TCF4: variants seen among roughly 807,000 people sequenced by gnomAD.
TCF4 encodes transcription factor 4.
TCF4 carries 3 observed loss-of-function variants against 82.1 expected under a neutral mutation model. The ratio of observed to expected loss-of-function variants is 0.04; its 90% CI spans 0.02 to 0.09. The LOEUF is 0.09. TCF4 is among the 10% of genes least tolerant of loss of function. The pLI, the probability that TCF4 is intolerant of heterozygous loss-of-function variation, is 1.00. For missense variants in TCF4, 518 were observed against 852.7 expected (o/e 0.61, Z 4.89); for synonymous variants, 276 against 309.6 (o/e 0.89, Z 1.14).
Position 55,633,199 on chromosome 18 carries a change from G to A in TCF4, c.196-1811C>T, listed in dbSNP as rs1159041597. Among the ~76,000 whole-genome samples, 1 of 152,224 alleles carries A rather than the reference G, an allele frequency of 6.6e-6. No individual in the cohort carries two copies. The highest frequency in any genetic ancestry group is 1.5e-5 in the Non-Finnish European group (1 of 68,040). On this transcript the variant is annotated intron_variant, in intron 1 of 20. Coordinates refer to the TCF4 transcript ENST00000398339. This position sits in a 1 kb window ranked among gnomAD's most constrained non-coding sequence, Gnocchi z 4.0. ...TCTGTTCTGAGGTTTGAGCCAAGAT[G>A]TGGACTGGGCCTGCAAGTCAGCAAG...
chr18:55,622,230 C>T (rs553547430), intron 2 of TCF4, among the ~76,000 whole-genome samples: 22 of 150,378 alleles, frequency 1.5e-4, no homozygotes, highest in African/African-American at 4.9e-4. Flanking sequence ...TAACTGTGGC[C>T]GGGAGTGGTG....
intron 3 of TCF4, among the ~76,000 whole-genome samples, chr18:55,582,219 T>A (rs984313855): frequency 2.0e-5 from 3 of 152,150 alleles, no homozygotes; most frequent in African/African-American, 4.8e-5. Context: ...AACTTAGGTA[T>A]CCTACTTTTC....
intron 15 of TCF4, among the ~76,000 whole-genome samples, chr18:55,240,539 A>G (rs2050884955): frequency 6.6e-6 from 1 of 152,232 alleles, no homozygotes; most frequent in Non-Finnish European, 1.5e-5. Context: ...TCTTTTAAAG[A>G]GGTGGGAAGC....
At chr18:55,229,503 T>A (rs1488449146) in intron 17 of TCF4, 1 of 186,310 alleles carries the variant, frequency 5.4e-6, no homozygotes, top group Non-Finnish European at 1.1e-5. Context: ...TAAATATATA[T>A]AAAACCTTTC....
At chr18:55,589,244 AAAATT>A (rs976903586), upstream of TCF4, 107 of 1,045,742 alleles carry the variant, frequency 1.0e-4, no homozygotes, top group Non-Finnish European at 1.2e-4. Context: ...CGACATTTTA[AAAATT>A]AAATTCAATT....
chr18:55,589,331 A>G (rs935838880), upstream of TCF4: 9 of 1,052,788 alleles, frequency 8.5e-6, no homozygotes, highest in African/African-American at 1.3e-4. Flanking sequence ...CAATATTCCA[A>G]GGAAAGAGAC....
At chr18:55,428,301 G>A (rs1203591391) in intron 5 of TCF4, among the ~76,000 whole-genome samples, 1 of 152,140 alleles carries the variant, frequency 6.6e-6, no homozygotes, top group Non-Finnish European at 1.5e-5. Flanking sequence ...TCAATTGAAT[G>A]TCTTTAAATC....
At position 55,225,064 on chromosome 18, in the gene TCF4, A is replaced by T. The variant is rs1306574573; in HGVS notation, c.*2971T>A. Reference sequence around the variant, plus strand: ...ACAACAACAATAAAAAACACACTAAAAAGGCCACATTCCCTTTTTTTCTTT... The same window carrying T: ...ACAACAACAATAAAAAACACACTAATAAGGCCACATTCCCTTTTTTTCTTT... On this transcript the variant is annotated 3_prime_UTR_variant, in exon 20 of 20. Transcript: ENST00000354452. 6.6e-6 allele frequency: 1 copy of T among 152,178 alleles called. No homozygotes were observed. The highest frequency in any genetic ancestry group is 1.5e-5 in the Non-Finnish European group (1 of 68,010). The allele number at this position is 152,178 out of a possible 1,614,324, so 9.4% of individuals were successfully genotyped here.
At chr18:55,561,762 T>C (rs1232440889) in intron 3 of TCF4, among the ~76,000 whole-genome samples, 1 of 152,190 alleles carries the variant, frequency 6.6e-6, no homozygotes, top group Non-Finnish European at 1.5e-5. Context: ...ATTAAAAATA[T>C]GAAGAAAACA....
chr18:55,274,083 T>C (rs1303409065), intron 10 of TCF4, among the ~76,000 whole-genome samples: 3 of 152,186 alleles, frequency 2.0e-5, no homozygotes, highest in African/African-American at 4.8e-5. Context: ...TAATCAAAAC[T>C]TTCCTTGCTC....
chr18:55,396,305 T>C (rs1316267483), intron 6 of TCF4, among the ~76,000 whole-genome samples: 2 of 152,230 alleles, frequency 1.3e-5, no homozygotes, highest in Non-Finnish European at 2.9e-5. Context: ...TTCTTAATTA[T>C]TAAGGGACAA....
intron 3 of TCF4, among the ~76,000 whole-genome samples, chr18:55,475,472 A>T (rs1373463325): frequency 6.6e-6 from 1 of 152,218 alleles, no homozygotes; most frequent in Non-Finnish European, 1.5e-5. Context: ...CAAATTCTGC[A>T]ATGTATGATT....
intron 3 of TCF4, among the ~76,000 whole-genome samples, chr18:55,557,228 T>C (rs2097312288): frequency 6.6e-6 from 1 of 151,954 alleles, no homozygotes; most frequent in Admixed American, 6.6e-5. Context: ...TAGTTGCCCA[T>C]AAACTAATGC....
intron 5 of TCF4, chr18:55,404,234 C>G (rs1051880333): frequency 3.5e-5 from 6 of 171,570 alleles, no homozygotes; most frequent in Non-Finnish European, 6.2e-5. Flanking sequence ...ATCTATAGAC[C>G]CTTCGATGCT....
intron 6 of TCF4, among the ~76,000 whole-genome samples, chr18:55,366,397 G>A (rs2087145952): frequency 6.6e-6 from 1 of 152,172 alleles, no homozygotes. Context: ...CATTGCGGCT[G>A]TTTCAGACTT....
In TCF4 at chr18:55,252,875, GA is replaced by G. The variant is rs2055664937; in HGVS notation, c.1350+1621del. ...TTAAACATTGTAGTTAGAAAAAAAA[GA>G]GCTGTACAAACGAAAATCTCATATT... On this transcript the variant is annotated intron_variant, in intron 15 of 19. Transcript: ENST00000354452. Among the ~76,000 whole-genome samples the G allele has an allele frequency of 2.0e-5, 3 of 152,156 alleles. No individual in the cohort carries two copies. In the South Asian group the frequency reaches 6.2e-4, roughly 32 times the overall value.
chr18:55,619,817 T>C (rs2097715878), intron 2 of TCF4, among the ~76,000 whole-genome samples: 1 of 152,208 alleles, frequency 6.6e-6, no homozygotes, highest in African/African-American at 2.4e-5. Flanking sequence ...TGTTTTTGTA[T>C]ACCTATAGAC....
chr18:55,545,883 G>A (rs1337966651), intron 3 of TCF4, among the ~76,000 whole-genome samples: 2 of 152,160 alleles, frequency 1.3e-5, no homozygotes, highest in Admixed American at 6.5e-5. Context: ...CCAGCAAGAC[G>A]AGATTTTAAA....
intron 2 of TCF4, among the ~76,000 whole-genome samples, chr18:55,601,466 G>GA (rs10718664): frequency 1.1e-4 from 16 of 142,724 alleles, no homozygotes; most frequent in Non-Finnish European, 1.8e-4. Context: ...CCATAACTGA[G>GA]AAAAAAAAAA....
Sources: allele counts gnomAD v4.1 joint callset (sites outside exome capture counted in the v4.1 genomes callset), GRCh38; gene constraint gnomAD v4.1.1; non-coding constraint Gnocchi (gnomAD v3.1); transcripts MANE v1.5; gene names NCBI Gene and HGNC (gene_info 2026-07-23, HGNC 2026-07-21).